ASAH1: variants seen among roughly 807,000 people sequenced by gnomAD.
ASAH1 encodes the protein acid ceramidase.
Under a neutral mutation model 59.5 loss-of-function variants are expected in ASAH1, and 70 were observed. The ratio of observed to expected loss-of-function variants is 1.18; its 90% CI spans 0.97 to 1.43. The LOEUF is 1.43. Among genes scored for constraint, ASAH1 ranks in the 40% most tolerant of loss-of-function variants. The pLI, the probability that ASAH1 is intolerant of heterozygous loss-of-function variation, is 0.00. For missense variants in ASAH1, 660 were observed against 482.5 expected (o/e 1.37, Z -3.45); for synonymous variants, 213 against 166.5 (o/e 1.28, Z -2.15).
intron 10 of ASAH1, chr8:18,060,641 T>C (rs114340985): frequency 3.3e-5 from 5 of 152,278 alleles, no homozygotes; most frequent in African/African-American, 9.6e-5. Flanking sequence ...GCCCATTTAT[T>C]TGGACGCAGT....
chr8:18,081,207 G>A (rs1741098724), intron 1 of ASAH1, among the ~76,000 whole-genome samples: 1 of 152,218 alleles, frequency 6.6e-6, no homozygotes, highest in Non-Finnish European at 1.5e-5. Context: ...TGCAGGTCAC[G>A]CTGACACCTC....
At chr8:18,079,583 C>T (rs1393235545) in intron 1 of ASAH1, among the ~76,000 whole-genome samples, 1 of 152,134 alleles carries the variant, frequency 6.6e-6, no homozygotes, top group Admixed American at 6.5e-5. Context: ...ATGTATGCTT[C>T]TAATAGTGAA....
rs77093435 is a variant in ASAH1, at chr8:18,074,879, G to A, written c.125+662C>T. On this transcript the variant is annotated intron_variant, in intron 2 of 13. Transcript: ENST00000637790. ...CTTTTTTGTTACAATATAATTTGGT[G>A]GTTTATATCCAGGCACCATAGAGAA... 1.5e-3 allele frequency among the ~76,000 whole-genome samples: 225 copies of A among 152,174 alleles called. 4 individuals are homozygous for A. The East Asian group carries it at 0.036, about 25-fold the overall frequency.
chr8:18,075,439 C>CTT (rs1332042819), intron 2 of ASAH1, 102 bp downstream of exon 2: 1 of 1,239,098 alleles, frequency 8.1e-7, no homozygotes, highest in South Asian at 1.2e-5. Flanking sequence ...GGAAACATGA[C>CTT]TTAAGATTTT....
intron 1 of ASAH1, among the ~76,000 whole-genome samples, chr8:18,080,354 C>CCAT (rs1278702137): frequency 1.3e-5 from 2 of 152,172 alleles, no homozygotes; most frequent in Non-Finnish European, 2.9e-5. Context: ...CGCAGAGCAG[C>CCAT]CATCTCTCCC....
At chr8:18,074,846 G>T (rs1800326688) in intron 2 of ASAH1, among the ~76,000 whole-genome samples, 1 of 152,074 alleles carries the variant, frequency 6.6e-6, no homozygotes. Context: ...CACATATGAG[G>T]GCCTATGCTT....
chr8:18,061,258 C>A (rs1451766233), intron 10 of ASAH1, 119 bp downstream of exon 10: 2 of 850,234 alleles, frequency 2.4e-6, no homozygotes, highest in South Asian at 1.7e-5. Flanking sequence ...CAGAGGTTCA[C>A]CTAAGAAATT....
At chr8:18,067,412 T>A (rs909266180) in intron 4 of ASAH1, 114 bp from the exon 5 acceptor site, 5 of 602,722 alleles carry the variant, frequency 8.3e-6, no homozygotes, top group African/African-American at 7.8e-5. Flanking sequence ...CTTGGACATA[T>A]AATTTTTTCT....
intron 2 of ASAH1, among the ~76,000 whole-genome samples, chr8:18,074,459 A>G (rs1306865775): frequency 2.6e-5 from 4 of 152,236 alleles, no homozygotes; most frequent in African/African-American, 7.2e-5. Context: ...TTAGACAACA[A>G]CAGTACAACG....
At position 18,073,965 on chromosome 8, in the gene ASAH1, T is replaced by A. The variant is rs147294609; in HGVS notation, c.125+1576A>T. ...GTGTATGTGTTTTGGAGTACATATG[T>A]ATGTATACATGTAGGTATGTATGCA... On this transcript the variant is annotated intron_variant, in intron 2 of 13. Transcript: ENST00000637790. Among the ~76,000 whole-genome samples the A allele has an allele frequency of 6.5e-3, 990 of 152,336 alleles. 17 individuals carry two copies. Among genetic ancestry groups the A allele is most frequent in the African/African-American group, 0.023 (943 of 41,578 alleles).
chr8:18,084,897 G>T, upstream of ASAH1: 3 of 1,523,036 alleles, frequency 2.0e-6, no homozygotes, highest in Non-Finnish European at 2.7e-6. Context: ...TCGGCAGGGG[G>T]ACTCGCTTGG....
At chr8:18,070,447 C>A (rs971023120) in intron 3 of ASAH1, among the ~76,000 whole-genome samples, 1 of 152,036 alleles carries the variant, frequency 6.6e-6, no homozygotes, top group Non-Finnish European at 1.5e-5. Flanking sequence ...CGCGCCTGGC[C>A]TAATTTTTGT....
rs768497019 is a variant in ASAH1 at position 18,059,723 on chromosome 8, A to G, written c.786-20T>C. On this transcript the variant is annotated intron_variant, in intron 10 of 13. Transcript: ENST00000637790. ...TCATAACTATATAGAAACATTTAAA[A>G]AGAAAAATGAAACTTTTTTTTAATT... 7 of 1,582,168 alleles carry G rather than the reference A, an allele frequency of 4.4e-6. No individual in the cohort carries two copies. The highest frequency in any genetic ancestry group is 6.0e-6 in the Non-Finnish European group (7 of 1,165,826).
chr8:18,073,816 A>G (rs1181769189), intron 2 of ASAH1, among the ~76,000 whole-genome samples: 1 of 152,238 alleles, frequency 6.6e-6, no homozygotes, highest in Non-Finnish European at 1.5e-5. Flanking sequence ...GAGTTGAGAG[A>G]AGAGAAGGAT....
At chr8:18,058,036 G>A (rs1309267356) in intron 13 of ASAH1, 3 of 156,190 alleles carry the variant, frequency 1.9e-5, no homozygotes, top group Admixed American at 1.3e-4. Context: ...AAAAACCGTG[G>A]AGCTTTGGCT....
intron 13 of ASAH1, 41 bp downstream of exon 13, chr8:18,058,794 C>A (rs535825543): frequency 4.5e-6 from 7 of 1,548,548 alleles, no homozygotes; most frequent in South Asian, 3.3e-5. Flanking sequence ...GGGCCAAATT[C>A]TTTCCCTAAA....
intron 7 of ASAH1, chr8:18,062,917 C>G: frequency 2.7e-6 from 1 of 373,776 alleles, no homozygotes; most frequent in South Asian, 2.9e-5. Context: ...GTATCCCAAG[C>G]TGCAGTGCAG....
chr8:18,067,143 A>C, intron 5 of ASAH1, 77 bp downstream of exon 5: 3 of 1,321,238 alleles, frequency 2.3e-6, no homozygotes, highest in Non-Finnish European at 3.2e-6. Flanking sequence ...CCTGTGCTGT[A>C]TGTATATCAC....
chr8:18,068,257 C>A (rs895360948), intron 4 of ASAH1: 1 of 152,144 alleles, frequency 6.6e-6, no homozygotes, highest in African/African-American at 2.4e-5. Flanking sequence ...TGTGACTGAT[C>A]CAGCCTTAAA....
Sources: allele counts gnomAD v4.1 joint callset (sites outside exome capture counted in the v4.1 genomes callset), GRCh38; gene constraint gnomAD v4.1.1; transcripts MANE v1.5; gene names NCBI Gene and HGNC (gene_info 2026-07-23, HGNC 2026-07-21).